The following KCTD8 variants were observed in gnomAD, a reference collection of about 807,000 sequenced individuals.
The protein encoded by KCTD8 is BTB/POZ domain-containing protein KCTD8.
A neutral mutation model predicts 31.5 loss-of-function variants in KCTD8; 27 were observed. The ratio of observed to expected loss-of-function variants is 0.86; its 90% CI spans 0.63 to 1.18. The LOEUF (loss-of-function observed/expected upper bound fraction) is 1.18. Among genes scored for constraint, KCTD8 ranks in the 50% most tolerant of loss-of-function variants. KCTD8 has a pLI of 0.00. For missense variants in KCTD8, 658 were observed against 647.7 expected, an observed-to-expected ratio of 1.02 and a Z score of -0.17; for synonymous variants, 290 against 280.0, an observed-to-expected ratio of 1.04 and a Z score of -0.36.
intron 1 of KCTD8, among the ~76,000 whole-genome samples, chr4:44,339,173 G>A (rs567166412): frequency 1.3e-5 from 2 of 152,224 alleles, no homozygotes; most frequent in South Asian, 4.2e-4. Flanking sequence ...ATTTATTGAA[G>A]AAAGAGAAAA....
intron 1 of KCTD8, among the ~76,000 whole-genome samples, chr4:44,393,715 T>C (rs1320331176): frequency 2.0e-5 from 3 of 151,862 alleles, no homozygotes; most frequent in Admixed American, 2.0e-4. Context: ...ACATAAATGA[T>C]AGTAATAAAT....
At chr4:44,388,860 T>G (rs189369820) in intron 1 of KCTD8, among the ~76,000 whole-genome samples, 2 of 150,970 alleles carry the variant, frequency 1.3e-5, no homozygotes, top group Non-Finnish European at 3.0e-5. Context: ...AAAATAAGAG[T>G]AAAAATAAAT....
intron 1 of KCTD8, among the ~76,000 whole-genome samples, chr4:44,286,113 G>A (rs1041421443): frequency 6.6e-6 from 1 of 151,994 alleles, no homozygotes; most frequent in Non-Finnish European, 1.5e-5. Flanking sequence ...ATATTCTAGT[G>A]TTTTCTCTCA....
intron 1 of KCTD8, among the ~76,000 whole-genome samples, chr4:44,445,049 T>C (rs938468275): frequency 6.6e-6 from 1 of 152,204 alleles, no homozygotes; most frequent in African/African-American, 2.4e-5. Flanking sequence ...TTTGCTCTTA[T>C]GAGTAACACC....
At chr4:44,374,205 A>G (rs375430425) in intron 1 of KCTD8, among the ~76,000 whole-genome samples, 121 of 152,302 alleles carry the variant, frequency 7.9e-4, no homozygotes, top group African/African-American at 2.6e-3. Flanking sequence ...ATTAACGCAA[A>G]AATGCATATA....
At chr4:44,318,257 T>C (rs1718197281) in intron 1 of KCTD8, among the ~76,000 whole-genome samples, 1 of 152,206 alleles carries the variant, frequency 6.6e-6, no homozygotes. Context: ...CTTTTAGAGA[T>C]AGGGTATCAC....
At chr4:44,329,799 A>T (rs371301092) in intron 1 of KCTD8, among the ~76,000 whole-genome samples, 1 of 151,970 alleles carries the variant, frequency 6.6e-6, no homozygotes, top group African/African-American at 2.4e-5. Context: ...AATATTCTTG[A>T]GATACAAATA....
intron 1 of KCTD8, among the ~76,000 whole-genome samples, chr4:44,439,809 G>C (rs1299914416): frequency 6.6e-6 from 1 of 152,022 alleles, no homozygotes; most frequent in Non-Finnish European, 1.5e-5. Context: ...CCTATGGTAT[G>C]TTGGGGTATG....
chr4:44,250,730 G>A (rs192413530), intron 1 of KCTD8, among the ~76,000 whole-genome samples: 58 of 151,828 alleles, frequency 3.8e-4, no homozygotes, highest in African/African-American at 1.4e-3. Context: ...GGCTCATAAA[G>A]TCATTGTCCC....
intron 1 of KCTD8, among the ~76,000 whole-genome samples, chr4:44,386,790 G>T (rs10938335): frequency 0.82 from 124,769 of 151,540 alleles, 51,562 homozygotes; most frequent in South Asian, 0.88. Flanking sequence ...AAGAGATATC[G>T]GCACTCCTAT....
At chr4:44,308,528 T>C (rs928195532) in intron 1 of KCTD8, among the ~76,000 whole-genome samples, 1 of 151,996 alleles carries the variant, frequency 6.6e-6, no homozygotes, top group East Asian at 1.9e-4. Context: ...TGAAGATCTA[T>C]ATGATTTTGT....
chr4:44,352,112 G>C (rs187720911), intron 1 of KCTD8, among the ~76,000 whole-genome samples: 1 of 152,142 alleles, frequency 6.6e-6, no homozygotes, highest in Non-Finnish European at 1.5e-5. Context: ...GCTCATTTCT[G>C]TGGATGAGTG....
At chr4:44,303,192 T>G (rs1169782369) in intron 1 of KCTD8, among the ~76,000 whole-genome samples, 1 of 152,146 alleles carries the variant, frequency 6.6e-6, no homozygotes, top group East Asian at 1.9e-4. Context: ...TTTTTGATTG[T>G]GTCTCTGCCC....
intron 1 of KCTD8, among the ~76,000 whole-genome samples, chr4:44,340,182 C>T (rs979936741): frequency 6.6e-6 from 1 of 152,112 alleles, no homozygotes; most frequent in Non-Finnish European, 1.5e-5. Flanking sequence ...TAATTTGATA[C>T]AACTCTACTC....
chr4:44,250,122 C>G (rs192179734), intron 1 of KCTD8, among the ~76,000 whole-genome samples: 11 of 151,764 alleles, frequency 7.2e-5, no homozygotes, highest in African/African-American at 2.2e-4. Context: ...TGAAAATGCA[C>G]ATGTGTAAGA....
intron 1 of KCTD8, among the ~76,000 whole-genome samples, chr4:44,320,182 A>AT (rs1322393156): frequency 6.8e-6 from 1 of 146,890 alleles, no homozygotes; most frequent in African/African-American, 2.6e-5. Flanking sequence ...AAAAAAAAAA[A>AT]AAAAAAAAAA....
At chr4:44,222,651 T>C (rs554227196) in intron 1 of KCTD8, among the ~76,000 whole-genome samples, 1 of 152,330 alleles carries the variant, frequency 6.6e-6, no homozygotes, top group East Asian at 1.9e-4. Flanking sequence ...TCCACCTTTG[T>C]AATCTCAGGC....
chr4:44,205,528 T>C (rs1042090392), intron 1 of KCTD8, among the ~76,000 whole-genome samples: 1 of 151,300 alleles, frequency 6.6e-6, no homozygotes, highest in African/African-American at 2.5e-5. Context: ...TGGAAGTAAC[T>C]GTAAAGTTCT....
chr4:44,180,559 T>A (rs987241929), intron 1 of KCTD8, among the ~76,000 whole-genome samples: 1 of 151,528 alleles, frequency 6.6e-6, no homozygotes, highest in Non-Finnish European at 1.5e-5. Flanking sequence ...CCAATATTAT[T>A]TTTGAAGAAC....
Sources: allele counts gnomAD v4.1 joint callset (sites outside exome capture counted in the v4.1 genomes callset), GRCh38; gene constraint gnomAD v4.1.1; transcripts MANE v1.5; gene names NCBI Gene and HGNC (gene_info 2026-07-23, HGNC 2026-07-21).